The following SMYD3 variants were observed in gnomAD, a reference collection of about 807,000 sequenced individuals.
SMYD3 encodes SET and MYND domain containing 3.
A neutral mutation model predicts 57.7 loss-of-function variants in SMYD3; 36 were observed. That is an observed-to-expected ratio of 0.62 (90% CI 0.48 to 0.82). The LOEUF (loss-of-function observed/expected upper bound fraction) is 0.82. Among genes scored for constraint, SMYD3 ranks in the 40% least tolerant of loss-of-function variants. The pLI is 0.00. For synonymous variants in SMYD3, 211 were observed against 195.0 expected (o/e 1.08, Z -0.68); for missense variants, 515 against 538.8 (o/e 0.96, Z 0.44).
At chr1:246,188,553 G>A (rs1045362277) in intron 5 of SMYD3, among the ~76,000 whole-genome samples, 6 of 151,930 alleles carry the variant, frequency 3.9e-5, no homozygotes, top group African/African-American at 1.5e-4. Context: ...CAGAAACTCT[G>A]AACAAGTTTG....
At chr1:246,084,768 G>T (rs893625546) in intron 5 of SMYD3, among the ~76,000 whole-genome samples, 1 of 152,112 alleles carries the variant, frequency 6.6e-6, no homozygotes. Context: ...GCTGTTACTG[G>T]TCTATCAATG....
chr1:245,948,920 GC>G (rs2057519152), intron 5 of SMYD3, among the ~76,000 whole-genome samples: 1 of 152,132 alleles, frequency 6.6e-6, no homozygotes, highest in Non-Finnish European at 1.5e-5. Flanking sequence ...CCTGGGGATT[GC>G]CCTACCCCGT....
chr1:246,239,724 G>A (rs143306160), intron 5 of SMYD3, among the ~76,000 whole-genome samples: 6 of 151,718 alleles, frequency 4.0e-5, no homozygotes, highest in African/African-American at 7.3e-5. Flanking sequence ...AAAAGTGTTC[G>A]TATTTCTCCA....
At chr1:246,480,221 C>T (rs2068083621) in intron 1 of SMYD3, among the ~76,000 whole-genome samples, 1 of 152,112 alleles carries the variant, frequency 6.6e-6, no homozygotes, top group African/African-American at 2.4e-5. Flanking sequence ...ACCATGTTGA[C>T]CATCCTGGCC....
chr1:246,142,107 GT>G (rs1443854026), intron 5 of SMYD3, among the ~76,000 whole-genome samples: 1 of 152,062 alleles, frequency 6.6e-6, no homozygotes, highest in East Asian at 1.9e-4. Flanking sequence ...CGATTCAGTA[GT>G]CCCCCTTACC....
chr1:246,386,079 A>G (rs1336742353), intron 1 of SMYD3, among the ~76,000 whole-genome samples: 1 of 152,096 alleles, frequency 6.6e-6, no homozygotes, highest in Non-Finnish European at 1.5e-5. Context: ...TAGTAGAGAC[A>G]GGGTTTCACC....
intron 5 of SMYD3, among the ~76,000 whole-genome samples, chr1:246,090,520 C>T (rs58694704): frequency 0.45 from 62,142 of 139,494 alleles, 16,965 homozygotes; most frequent in Non-Finnish European, 0.62. Context: ...CTTTCTCTCT[C>T]TCTTTTTTTT....
intron 5 of SMYD3, among the ~76,000 whole-genome samples, chr1:246,220,484 C>T (rs912567687): frequency 2.6e-5 from 4 of 152,162 alleles, no homozygotes; most frequent in East Asian, 1.9e-4. Context: ...GACATCCCTG[C>T]ACTTTGGGGG....
chr1:246,074,305 A>C (rs1468163066), intron 5 of SMYD3, among the ~76,000 whole-genome samples: 1 of 150,382 alleles, frequency 6.6e-6, no homozygotes, highest in East Asian at 1.9e-4. Context: ...TTCCTAGTAA[A>C]GCATGTTTTG....
At chr1:245,804,466 G>C (rs1031345266) in intron 10 of SMYD3, among the ~76,000 whole-genome samples, 36 of 152,078 alleles carry the variant, frequency 2.4e-4, no homozygotes, top group African/African-American at 8.4e-4. Flanking sequence ...GCTGAGGCAG[G>C]AGAATGGCAT....
chr1:246,441,791 T>C (rs1277223657), intron 1 of SMYD3, among the ~76,000 whole-genome samples: 1 of 152,172 alleles, frequency 6.6e-6, no homozygotes, highest in Non-Finnish European at 1.5e-5. Flanking sequence ...TTTATGTTTT[T>C]AGTAGAGATG....
At chr1:246,007,121 C>T (rs570661484) in intron 5 of SMYD3, among the ~76,000 whole-genome samples, 19 of 152,300 alleles carry the variant, frequency 1.2e-4, no homozygotes, top group African/African-American at 4.3e-4. Flanking sequence ...GCTGGAGAAG[C>T]GGCCACGACT....
At chr1:246,475,115 G>A (rs1305091968) in intron 1 of SMYD3, among the ~76,000 whole-genome samples, 1 of 152,000 alleles carries the variant, frequency 6.6e-6, no homozygotes, top group Admixed American at 6.6e-5. Context: ...CCAGGAGTTC[G>A]TGACCACCCT....
chr1:246,187,508 G>C (rs1229178025), intron 5 of SMYD3, among the ~76,000 whole-genome samples: 1 of 152,154 alleles, frequency 6.6e-6, no homozygotes, highest in African/African-American at 2.4e-5. Flanking sequence ...AAATGCTCAA[G>C]AGGATCATTG....
At chr1:245,962,272 G>T (rs187713984) in intron 5 of SMYD3, among the ~76,000 whole-genome samples, 3 of 152,168 alleles carry the variant, frequency 2.0e-5, no homozygotes, top group Non-Finnish European at 4.4e-5. Flanking sequence ...GGGACTTGAC[G>T]CAAGTGGCTT....
chr1:245,834,289 C>T (rs1011625249), intron 10 of SMYD3, among the ~76,000 whole-genome samples: 8 of 152,188 alleles, frequency 5.3e-5, no homozygotes, highest in African/African-American at 1.2e-4. Context: ...TCTGCTTGCA[C>T]GTCTGTGAGC....
At chr1:246,007,050 T>C (rs2059186943) in intron 5 of SMYD3, among the ~76,000 whole-genome samples, 2 of 152,282 alleles carry the variant, frequency 1.3e-5, no homozygotes, top group South Asian at 2.1e-4. Context: ...GGGCCAGAAC[T>C]GAGGCTAAGG....
chr1:246,174,065 C>A (rs2062391247), intron 5 of SMYD3, among the ~76,000 whole-genome samples: 1 of 152,188 alleles, frequency 6.6e-6, no homozygotes, highest in South Asian at 2.1e-4. Context: ...CTACCTCAGG[C>A]TCCCAAAGGG....
In SMYD3 at chr1:246,335,384, T is replaced by C. The variant is rs2065526439; in HGVS notation, c.319A>G (p.Arg107Gly). 6.2e-7 allele frequency: 1 copy of C among 1,614,136 alleles called. No individual in the cohort carries two copies. Among genetic ancestry groups the C allele is most frequent in the African/African-American group, 1.3e-5 (1 of 75,052 alleles). Residue 107 changes from arginine to glycine, a missense_variant, in exon 3 of 12, where the codon AGA becomes GGA. Physicochemically the swap from Arg to Gly is moderately radical, Grantham distance 125 (BLOSUM62 -2). Coordinates refer to ENST00000490107, the MANE Select transcript of SMYD3 (RefSeq NM_001167740.2). ...ATACTCACAAGTTTGAAGACAACTC[T>C]GCCAAGAAGTCGAACGGAGTCTGGA... Reference protein sequence around the residue: ...YPPDSVRLLGRVVFKLMDGAP... With the variant: ...YPPDSVRLLGGVVFKLMDGAP...
Sources: gnomAD v4.1 joint callset for allele counts (sites outside exome capture counted in the v4.1 genomes callset) on GRCh38, gnomAD v4.1.1 for gene constraint, MANE v1.5 for transcripts, NCBI Gene and HGNC (gene_info 2026-07-23, HGNC 2026-07-21) for gene names.